The following EML4 variants were observed in gnomAD, a reference collection of about 807,000 sequenced individuals.
The protein encoded by EML4 is echinoderm microtubule-associated protein-like 4.
A neutral mutation model predicts 129.0 loss-of-function variants in EML4; 72 were observed. The ratio of observed to expected loss-of-function variants is 0.56; its 90% CI spans 0.46 to 0.68. The LOEUF is 0.68. Ranked by LOEUF, EML4 falls within the 30% of genes least tolerant of loss-of-function variation. EML4 has a pLI of 0.00. For missense variants in EML4, 1,363 were observed against 1,190.6 expected, an observed-to-expected ratio of 1.14 and a Z score of -2.13; for synonymous variants, 532 against 405.0, an observed-to-expected ratio of 1.31 and a Z score of -3.77.
intron 1 of EML4, among the ~76,000 whole-genome samples, chr2:42,197,136 C>T (rs1176252941): frequency 6.6e-6 from 1 of 152,136 alleles, no homozygotes; most frequent in Non-Finnish European, 1.5e-5. Flanking sequence ...GTGGTGCGAT[C>T]ACTGCAGCCT....
chr2:42,192,293 G>A (rs369004613), intron 1 of EML4, among the ~76,000 whole-genome samples: 1 of 149,536 alleles, frequency 6.7e-6, no homozygotes, highest in South Asian at 2.1e-4. Flanking sequence ...CTGGAGTACA[G>A]TGGCACAATC....
chr2:42,188,462 TC>T (rs1268679703), intron 1 of EML4, among the ~76,000 whole-genome samples: 1 of 151,998 alleles, frequency 6.6e-6, no homozygotes. Context: ...GCTGAAGTGA[TC>T]CGCCAGTCTC....
intron 13 of EML4, among the ~76,000 whole-genome samples, chr2:42,300,497 C>G (rs1475974357): frequency 6.6e-6 from 1 of 152,180 alleles, no homozygotes; most frequent in Non-Finnish European, 1.5e-5. Flanking sequence ...TACAAGAAAA[C>G]TGGGCTGTTA....
intron 11 of EML4, among the ~76,000 whole-genome samples, chr2:42,290,434 A>C (rs1281694516): frequency 6.6e-6 from 1 of 152,112 alleles, no homozygotes. Flanking sequence ...TAACATTAAA[A>C]TTCAGTAAGG....
intron 1 of EML4, among the ~76,000 whole-genome samples, chr2:42,198,986 G>A (rs536955361): frequency 6.6e-6 from 1 of 152,304 alleles, no homozygotes; most frequent in Admixed American, 6.5e-5. Flanking sequence ...TGAAAGTATT[G>A]CAGTGAGAGT....
chr2:42,280,810 A>T (rs1187223992), intron 6 of EML4, 40 bp from the exon 7 acceptor site: 1 of 1,539,214 alleles, frequency 6.5e-7, no homozygotes, highest in African/African-American at 1.4e-5. Context: ...GACTATACAG[A>T]AAATACGTAT....
At chr2:42,215,353 A>G (rs1295826827) in intron 1 of EML4, among the ~76,000 whole-genome samples, 1 of 152,204 alleles carries the variant, frequency 6.6e-6, no homozygotes, top group Non-Finnish European at 1.5e-5. Context: ...ATGCCCAGCC[A>G]TAAAACCACT....
chr2:42,306,484 CTTTTTTTTTTTTTTT>C (rs375707062), intron 17 of EML4, among the ~76,000 whole-genome samples: 1 of 74,604 alleles, frequency 1.3e-5, no homozygotes, highest in Non-Finnish European at 2.6e-5. Context: ...GTGCTAAATC[CTTTTTTTTTTTTTTT>C]TTTTTTTTTT....
intron 10 of EML4, among the ~76,000 whole-genome samples, chr2:42,287,124 A>C (rs1667349975): frequency 6.6e-6 from 1 of 152,118 alleles, no homozygotes; most frequent in African/African-American, 2.4e-5. Context: ...TTATCTCTTC[A>C]GTTCTTAGCC....
chr2:42,285,164 C>G (rs866156000), intron 9 of EML4, among the ~76,000 whole-genome samples: 39 of 152,102 alleles, frequency 2.6e-4, no homozygotes, highest in African/African-American at 9.4e-4. Context: ...CAGCCTTGGC[C>G]TCTTGAGTGA....
intron 1 of EML4, among the ~76,000 whole-genome samples, chr2:42,173,985 T>C (rs1194074875): frequency 1.3e-5 from 2 of 152,186 alleles, no homozygotes; most frequent in Admixed American, 1.3e-4. Context: ...TGAGAGAACA[T>C]TTGTTGATTG....
intron 13 of EML4, among the ~76,000 whole-genome samples, chr2:42,297,673 G>C (rs1668034969): frequency 6.6e-6 from 1 of 152,126 alleles, no homozygotes; most frequent in African/African-American, 2.4e-5. Context: ...TTTTAATTCT[G>C]GCCCCCAGAT....
At chr2:42,255,197 T>G (rs1240092336) in intron 2 of EML4, among the ~76,000 whole-genome samples, 1 of 152,024 alleles carries the variant, frequency 6.6e-6, no homozygotes, top group Non-Finnish European at 1.5e-5. Context: ...GCCATTCTCC[T>G]GCCTCAGCCT....
intron 1 of EML4, among the ~76,000 whole-genome samples, chr2:42,180,891 G>A (rs1421774757): frequency 6.6e-6 from 1 of 152,104 alleles, no homozygotes; most frequent in Non-Finnish European, 1.5e-5. Context: ...AGTCTTCCTT[G>A]GGTTTTGTCA....
intron 13 of EML4, 129 bp from the exon 14 acceptor site, chr2:42,301,112 A>G: frequency 1.4e-6 from 1 of 701,576 alleles, no homozygotes; most frequent in Non-Finnish European, 2.3e-6. Context: ...TGCTGAAAAT[A>G]GGTTTTTGAT....
chr2:42,202,521 T>C (rs1174896745), intron 1 of EML4, among the ~76,000 whole-genome samples: 1 of 152,180 alleles, frequency 6.6e-6, no homozygotes, highest in Non-Finnish European at 1.5e-5. Context: ...AAGTGAGGTT[T>C]CACAATAGGC....
chr2:42,313,962 G>A (rs541026579), intron 17 of EML4, among the ~76,000 whole-genome samples: 3 of 151,372 alleles, frequency 2.0e-5, no homozygotes, highest in African/African-American at 7.3e-5. Context: ...CTACCATCAC[G>A]ATTCTTTTTA....
chr2:42,185,101 A>G (rs1671173412), intron 1 of EML4, among the ~76,000 whole-genome samples: 1 of 152,132 alleles, frequency 6.6e-6, no homozygotes, highest in Non-Finnish European at 1.5e-5. Context: ...CTGAGCATAT[A>G]TTGATTTTTT....
chr2:42,287,679 A>G (rs113416238), intron 10 of EML4, among the ~76,000 whole-genome samples: 9 of 152,206 alleles, frequency 5.9e-5, no homozygotes, highest in African/African-American at 1.7e-4. Context: ...AAAACAGGAA[A>G]TTTCATTATA....
Sources: allele counts gnomAD v4.1 joint callset (sites outside exome capture counted in the v4.1 genomes callset), GRCh38; gene constraint gnomAD v4.1.1; transcripts MANE v1.5; gene names NCBI Gene and HGNC (gene_info 2026-07-23, HGNC 2026-07-21).